The following CCDC171 variants were observed in gnomAD, a reference collection of about 807,000 sequenced individuals.
CCDC171 encodes the protein coiled-coil domain-containing protein 171.
In CCDC171, 177 loss-of-function variants were observed where a neutral mutation model predicts 168.2. The ratio of observed to expected loss-of-function variants is 1.05; its 90% CI spans 0.93 to 1.19. The LOEUF is 1.19. Ranked by LOEUF, CCDC171 falls within the 50% of genes most tolerant of loss-of-function variation. The probability of loss-of-function intolerance (pLI) is 0.00; values close to 1 mark genes in which losing one functional copy is unlikely to be tolerated. For missense variants in CCDC171, 1,991 were observed against 1,539.0 expected, an observed-to-expected ratio of 1.29 and a Z score of -4.91; for synonymous variants, 687 against 540.8, an observed-to-expected ratio of 1.27 and a Z score of -3.75.
In CCDC171 at chr9:15,744,444, C is replaced by T. The variant is rs777005274; in HGVS notation, c.2221C>T (p.Leu741Phe). ...CALMAGALYP[L>F]YSRSCALSTQ... ...ATTAATGGCTGGTGCCTTATATCCCCTCTATAGCCGATCATGCGCCTTGTC... is the reference window on the plus strand; with the variant it reads ...ATTAATGGCTGGTGCCTTATATCCCTTCTATAGCCGATCATGCGCCTTGTC... Residue 741 changes from leucine to phenylalanine, a missense_variant, in exon 17 of 26, where the codon CTC becomes TTC. Coordinates refer to ENST00000380701, the MANE Select transcript of CCDC171 (RefSeq NM_173550.4). The T allele has an allele frequency of 1.2e-6, 2 of 1,614,078 alleles. No individual in the cohort carries two copies. The highest frequency in any genetic ancestry group is 8.5e-7 in the Non-Finnish European group (1 of 1,180,012).
intron 4 of CCDC171, among the ~76,000 whole-genome samples, chr9:15,579,291 T>C (rs919725451): frequency 3.3e-5 from 5 of 152,242 alleles, no homozygotes; most frequent in Non-Finnish European, 7.3e-5. Context: ...GAAGCACTTC[T>C]TCCATGAATA....
chr9:15,707,308 G>A (rs556931956), intron 11 of CCDC171, among the ~76,000 whole-genome samples: 4 of 152,288 alleles, frequency 2.6e-5, no homozygotes, highest in South Asian at 2.1e-4. Flanking sequence ...ATATGCCAAT[G>A]TACATTTTTT....
At chr9:15,829,539 A>G (rs368663593) in intron 21 of CCDC171, among the ~76,000 whole-genome samples, 15 of 152,318 alleles carry the variant, frequency 9.8e-5, no homozygotes, top group East Asian at 7.7e-4. Flanking sequence ...TTAAGGTGCT[A>G]TAAGTCTGAT....
At chr9:15,623,571 T>A (rs2044755142) in intron 7 of CCDC171, among the ~76,000 whole-genome samples, 158 bp downstream of exon 7, 1 of 151,414 alleles carries the variant, frequency 6.6e-6, no homozygotes, top group African/African-American at 2.4e-5. Context: ...AAAACTAATT[T>A]TAGGGGCACT....
intron 7 of CCDC171, among the ~76,000 whole-genome samples, chr9:15,651,499 C>T (rs1009792424): frequency 6.6e-6 from 1 of 151,934 alleles, no homozygotes; most frequent in Non-Finnish European, 1.5e-5. Context: ...TCAAGCAATC[C>T]TCTCACCTCA....
chr9:16,038,866 C>CA (rs375463651), upstream of CCDC171, among the ~76,000 whole-genome samples: 9,221 of 50,262 alleles, frequency 0.18, 642 homozygotes, highest in Middle Eastern at 0.25. Flanking sequence ...CCTATCAGGC[C>CA]AAAAAAAAAA....
intron 7 of CCDC171, among the ~76,000 whole-genome samples, 193 bp from the exon 8 acceptor site, chr9:15,656,934 G>A (rs1438157739): frequency 1.3e-5 from 2 of 151,196 alleles, no homozygotes; most frequent in South Asian, 2.1e-4. Flanking sequence ...TCTATAAAGT[G>A]TAAAGAAAAA....
chr9:15,562,016 A>G (rs1019237664), intron 1 of CCDC171, among the ~76,000 whole-genome samples: 1 of 151,294 alleles, frequency 6.6e-6, no homozygotes, highest in African/African-American at 2.4e-5. Flanking sequence ...TTTTTTTAAG[A>G]TGGAGTCTTA....
At chr9:15,886,290 T>C (rs1819383466) in intron 24 of CCDC171, 1 of 152,120 alleles carries the variant, frequency 6.6e-6, no homozygotes. Context: ...ACAATAACTT[T>C]TTTAAAAAAT....
At chr9:16,004,227 A>C (rs1043682222) in intron 3 of CCDC171, among the ~76,000 whole-genome samples, 2 of 152,226 alleles carry the variant, frequency 1.3e-5, no homozygotes, top group Admixed American at 1.3e-4. Context: ...CCAATAGTGA[A>C]GGCCCAAAGC....
rs1825170261 is a variant in CCDC171, at chr9:15,920,487, T to G, written c.3753+65T>G. On this transcript the variant is annotated intron_variant, in intron 25 of 25. Transcript: ENST00000380701. ...TCTTGGGTTACATTTACATTTATGT[T>G]TTTAATGTTCATAAGATCATTTGCC... The G allele has an allele frequency of 2.5e-6, 3 of 1,181,122 alleles. No homozygotes were observed. The East Asian group carries it at 7.2e-5, about 29-fold the overall frequency. 73.2% of individuals were successfully genotyped at this position (1,181,122 alleles called of 1,614,324 possible).
intron 3 of CCDC171, among the ~76,000 whole-genome samples, chr9:15,980,821 A>T (rs879841101): frequency 2.8e-5 from 2 of 72,326 alleles, no homozygotes; most frequent in African/African-American, 5.4e-5. Flanking sequence ...CCGCCCACCC[A>T]ATTTGTATAT....
At chr9:15,970,193 T>G (rs767735064) in intron 25 of CCDC171, among the ~76,000 whole-genome samples, 4 of 152,168 alleles carry the variant, frequency 2.6e-5, no homozygotes, top group Non-Finnish European at 5.9e-5. Context: ...ATATTGATTT[T>G]TTCTCCAGTT....
At chr9:15,623,509 A>ACACACACACACACACAC in intron 7 of CCDC171, 96 bp downstream of exon 7, 1 of 646,436 alleles carries the variant, frequency 1.5e-6, no homozygotes, top group South Asian at 4.0e-5. Flanking sequence ...ACACACACAT[A>ACACACACACACACACAC]AAACCCATTC....
intron 14 of CCDC171, among the ~76,000 whole-genome samples, 160 bp downstream of exon 14, chr9:15,725,136 T>G (rs1436177026): frequency 1.3e-5 from 2 of 152,254 alleles, no homozygotes; most frequent in African/African-American, 4.8e-5. Flanking sequence ...ATTACTCTTG[T>G]GTCATTCTCT....
At chr9:15,927,253 A>G (rs1825998642) in intron 25 of CCDC171, among the ~76,000 whole-genome samples, 1 of 151,624 alleles carries the variant, frequency 6.6e-6, no homozygotes, top group Non-Finnish European at 1.5e-5. Flanking sequence ...TCTTTGGCCC[A>G]TTAACTTAGG....
chr9:15,902,706 A>G (rs1445227822), intron 24 of CCDC171, among the ~76,000 whole-genome samples: 1 of 152,190 alleles, frequency 6.6e-6, no homozygotes, highest in East Asian at 1.9e-4. Context: ...GGTGCAGCGC[A>G]CCGAGCATGA....
chr9:16,058,043 A>G lies in CCDC171; in HGVS notation n.90-2603A>G, dbSNP rs550265256. 8.0e-4 allele frequency among the ~76,000 whole-genome samples: 107 copies of G among 133,290 alleles called. 1 individual carries two copies. Among genetic ancestry groups the G allele is most frequent in the African/African-American group, 3.2e-3 (97 of 29,892 alleles). The allele number at this position is 133,290 out of a possible 152,430, so 87.4% of individuals were successfully genotyped here. A position where few individuals can be genotyped will look rare whatever the true frequency, so the allele number is the denominator to read the frequency against. On this transcript the variant is annotated intron_variant and non_coding_transcript_variant, in intron 1 of 1. Coordinates refer to the CCDC171 transcript ENST00000478913. ...GTTGAAGCCAGTTGTGAATTTTTTGAAAAAAAAAAAATAATAATAATAATA... is the reference window on the plus strand; with the variant it reads ...GTTGAAGCCAGTTGTGAATTTTTTGGAAAAAAAAAAATAATAATAATAATA...
intron 9 of CCDC171, among the ~76,000 whole-genome samples, chr9:15,668,736 C>T (rs745532960): frequency 3.9e-5 from 6 of 152,084 alleles, no homozygotes; most frequent in Non-Finnish European, 8.8e-5. Context: ...TCTACCTGTA[C>T]TTCCATTTTC....
Sources: allele counts gnomAD v4.1 joint callset (sites outside exome capture counted in the v4.1 genomes callset), GRCh38; gene constraint gnomAD v4.1.1; transcripts MANE v1.5; gene names NCBI Gene and HGNC (gene_info 2026-07-23, HGNC 2026-07-21).